The following PDE4D variants were observed in gnomAD, a reference collection of about 807,000 sequenced individuals.
PDE4D encodes the protein phosphodiesterase 4D.
PDE4D carries 24 observed loss-of-function variants against 87.4 expected under a neutral mutation model. That is an observed-to-expected ratio of 0.27 (90% CI 0.20 to 0.39). The LOEUF is 0.39. Among genes scored for constraint, PDE4D ranks in the 10% least tolerant of loss-of-function variants. The pLI is 1.00. For missense variants in PDE4D, 714 were observed against 1,041.0 expected, an observed-to-expected ratio of 0.69 and a Z score of 4.32; for synonymous variants, 384 against 383.2, an observed-to-expected ratio of 1.00 and a Z score of -0.02.
chr5:59,227,018 C>T, intron 1 of PDE4D, among the ~76,000 whole-genome samples: 1 of 152,178 alleles, frequency 6.6e-6, no homozygotes, highest in East Asian at 1.9e-4. Flanking sequence ...CAGAAAAGCA[C>T]ATGCTCTCCA....
intron 3 of PDE4D, among the ~76,000 whole-genome samples, chr5:59,919,028 A>G (rs1754381978): frequency 6.6e-6 from 1 of 152,250 alleles, no homozygotes; most frequent in African/African-American, 2.4e-5. Context: ...ACATGTATAC[A>G]TAGAGATATG....
Position 60,415,804 on chromosome 5 carries a change from G to A in PDE4D, c.-90+72138C>T, listed in dbSNP as rs545476973. ...TGCCAAAGGGCTGAGGAGTGCAGGC[G>A]TAGGGCGCGGGACTGGCAGGAATCT... On this transcript the variant is annotated intron_variant, in intron 1 of 16. Coordinates refer to the PDE4D transcript ENST00000502484. 1.2e-4 allele frequency among the ~76,000 whole-genome samples: 19 copies of A among 152,370 alleles called. No individual in the cohort carries two copies. In the East Asian group the frequency reaches 1.7e-3, roughly 14 times the overall value.
chr5:59,543,160 C>T (rs1395643130), intron 1 of PDE4D, among the ~76,000 whole-genome samples: 3 of 152,108 alleles, frequency 2.0e-5, no homozygotes, highest in Non-Finnish European at 4.4e-5. Context: ...CATGAAACGA[C>T]ACAGAAATAA....
chr5:59,630,843 C>T (rs1049908844), intron 1 of PDE4D, among the ~76,000 whole-genome samples: 3 of 152,158 alleles, frequency 2.0e-5, no homozygotes, highest in African/African-American at 4.8e-5. Flanking sequence ...TACCAAGAGG[C>T]ACTTTCATTG....
At chr5:59,768,470 C>T in intron 1 of PDE4D, 4 of 1,598,406 alleles carry the variant, frequency 2.5e-6, no homozygotes, top group Non-Finnish European at 3.4e-6. Context: ...TTATCCACTT[C>T]AGGTACTGTT....
intron 1 of PDE4D, among the ~76,000 whole-genome samples, chr5:59,783,128 G>C (rs554671022): frequency 6.6e-6 from 1 of 152,302 alleles, no homozygotes; most frequent in East Asian, 1.9e-4. Context: ...GAGAAGCTCA[G>C]GCACTAGCAG....
At chr5:59,994,315 ATATACACACATACAGTATATG>A (rs1458912900) in intron 2 of PDE4D, among the ~76,000 whole-genome samples, 1 of 151,616 alleles carries the variant, frequency 6.6e-6, no homozygotes. Flanking sequence ...GTATATATAC[ATATACACACATACAGTATATG>A]TATACACACA....
rs940118389 is a variant in PDE4D, at chr5:60,177,435, T to A, written c.42+8122A>T. ...AATTAATGTTTAAAGCAGCAAAAAA[T>A]TTAAATAATTAATTCTCTGAGGTCC... On this transcript the variant is annotated intron_variant, in intron 2 of 16. Transcript: ENST00000502484. Among the ~76,000 whole-genome samples the A allele has an allele frequency of 2.0e-5, 3 of 152,096 alleles. No individual in the cohort carries two copies. In the East Asian group the frequency reaches 5.8e-4, roughly 29 times the overall value.
intron 6 of PDE4D, among the ~76,000 whole-genome samples, chr5:59,029,414 C>CTCAAAAAAAAAAAAAAAAAA (rs1756882885): frequency 6.0e-5 from 1 of 16,594 alleles, no homozygotes; most frequent in Non-Finnish European, 1.3e-4. Context: ...GAGACTCCAT[C>CTCAAAAAAAAAAAAAAAAAA]ACAAAAAAAA....
At chr5:59,612,612 G>C (rs1219942648) in intron 1 of PDE4D, among the ~76,000 whole-genome samples, 1 of 152,156 alleles carries the variant, frequency 6.6e-6, no homozygotes, top group Non-Finnish European at 1.5e-5. Context: ...AGGATTATAT[G>C]ATAACAGTTT....
chr5:60,023,544 A>T (rs1766301303), intron 2 of PDE4D, among the ~76,000 whole-genome samples: 1 of 152,048 alleles, frequency 6.6e-6, no homozygotes, highest in Non-Finnish European at 1.5e-5. Flanking sequence ...CTTCACATGC[A>T]TCAATCACCC....
intron 2 of PDE4D, among the ~76,000 whole-genome samples, chr5:60,083,300 T>C (rs1300538230): frequency 1.3e-5 from 2 of 152,218 alleles, no homozygotes; most frequent in Non-Finnish European, 2.9e-5. Flanking sequence ...TGAATTATAT[T>C]AGACAGCACT....
chr5:59,309,919 T>G (rs1344359487), intron 1 of PDE4D, among the ~76,000 whole-genome samples: 2 of 152,208 alleles, frequency 1.3e-5, no homozygotes, highest in African/African-American at 4.8e-5. Context: ...AGACCCTCTG[T>G]GCCTTGCCAT....
intron 1 of PDE4D, among the ~76,000 whole-genome samples, chr5:60,288,650 T>C (rs959317510): frequency 1.3e-5 from 2 of 152,258 alleles, no homozygotes; most frequent in African/African-American, 4.8e-5. Context: ...AACTCTCATG[T>C]AGTCAGAGAC....
intron 1 of PDE4D, among the ~76,000 whole-genome samples, chr5:59,875,177 T>C (rs995532879): frequency 2.0e-5 from 3 of 152,154 alleles, no homozygotes; most frequent in Non-Finnish European, 4.4e-5. Context: ...AGAAGGAATC[T>C]GTGGCTGGGC....
At chr5:59,133,065 A>T (rs553223180) in intron 5 of PDE4D, among the ~76,000 whole-genome samples, 21 of 152,300 alleles carry the variant, frequency 1.4e-4, no homozygotes, top group African/African-American at 4.1e-4. Flanking sequence ...TGAAAAATTA[A>T]TCTCAATTTT....
chr5:59,758,578 A>G (rs1761576048), intron 1 of PDE4D, among the ~76,000 whole-genome samples: 1 of 152,140 alleles, frequency 6.6e-6, no homozygotes, highest in Admixed American at 6.6e-5. Flanking sequence ...TATAAAATTG[A>G]AGTCTAGTAA....
chr5:60,268,356 C>G (rs1441695508), intron 1 of PDE4D, among the ~76,000 whole-genome samples: 1 of 152,152 alleles, frequency 6.6e-6, no homozygotes, highest in Non-Finnish European at 1.5e-5. Context: ...GAAGCCACTC[C>G]CCTAGGTCTC....
chr5:59,873,984 G>A (rs1377888581), intron 1 of PDE4D, among the ~76,000 whole-genome samples: 2 of 152,178 alleles, frequency 1.3e-5, no homozygotes, highest in Admixed American at 1.3e-4. Flanking sequence ...ACTGAGGTGG[G>A]AGGACTGCTT....
Sources: allele counts gnomAD v4.1 joint callset (sites outside exome capture counted in the v4.1 genomes callset), GRCh38; gene constraint gnomAD v4.1.1; transcripts MANE v1.5; gene names NCBI Gene and HGNC (gene_info 2026-07-23, HGNC 2026-07-21).